The following RAPGEF6 variants were observed in gnomAD, a reference collection of about 807,000 sequenced individuals.
RAPGEF6 encodes PDZ domain containing guanine nucleotide exchange factor (GEF) 2.
A neutral mutation model predicts 171.4 loss-of-function variants in RAPGEF6; 56 were observed. The ratio of observed to expected loss-of-function variants is 0.33; its 90% CI spans 0.26 to 0.41. RAPGEF6 has a LOEUF of 0.41. Ranked by LOEUF, RAPGEF6 falls within the 10% of genes least tolerant of loss-of-function variation. RAPGEF6 has a pLI of 1.00. For synonymous variants in RAPGEF6, 692 were observed against 650.1 expected, an observed-to-expected ratio of 1.06 and a Z score of -0.98; for missense variants, 1,674 against 1,921.4, an observed-to-expected ratio of 0.87 and a Z score of 2.41.
At chr5:131,613,282 C>T (rs187560382) in intron 1 of RAPGEF6, among the ~76,000 whole-genome samples, 4 of 152,178 alleles carry the variant, frequency 2.6e-5, no homozygotes, top group Non-Finnish European at 5.9e-5. Context: ...TGGTGGCGGG[C>T]GCCTACAGTC....
intron 1 of RAPGEF6, among the ~76,000 whole-genome samples, chr5:131,629,991 T>C (rs1766198087): frequency 6.6e-6 from 1 of 152,186 alleles, no homozygotes; most frequent in South Asian, 2.1e-4. Context: ...GCTTAGTTGA[T>C]AAAGCAGCAG....
At chr5:131,553,498 A>T (rs1561557450) in intron 5 of RAPGEF6, among the ~76,000 whole-genome samples, 1 of 152,264 alleles carries the variant, frequency 6.6e-6, no homozygotes. Context: ...AGATGCTGGA[A>T]CTACCAGAGA....
At chr5:131,614,281 CAAAAAAAAA>C (rs386404987) in intron 1 of RAPGEF6, among the ~76,000 whole-genome samples, 14 of 81,414 alleles carry the variant, frequency 1.7e-4, no homozygotes, top group South Asian at 5.9e-4. Context: ...GACTCTGTCT[CAAAAAAAAA>C]AAAAAAAAAA....
At chr5:131,619,569 G>A (rs985619045) in intron 1 of RAPGEF6, among the ~76,000 whole-genome samples, 8 of 152,136 alleles carry the variant, frequency 5.3e-5, no homozygotes, top group African/African-American at 1.4e-4. Flanking sequence ...AAATTACAAC[G>A]TATCAAAAGA....
intron 1 of RAPGEF6, among the ~76,000 whole-genome samples, chr5:131,632,043 T>A (rs933177135): frequency 1.6e-5 from 2 of 128,316 alleles, no homozygotes; most frequent in African/African-American, 6.3e-5. Flanking sequence ...ACCACTGCAC[T>A]CCAGCCTGGG....
intron 25 of RAPGEF6, among the ~76,000 whole-genome samples, chr5:131,432,806 G>A (rs534567268): frequency 6.6e-6 from 1 of 152,264 alleles, no homozygotes; most frequent in South Asian, 2.1e-4. Context: ...GACCTCTGGT[G>A]TAGAGATCCT....
rs1757312224 is a variant in RAPGEF6, at chr5:131,505,443, C to T, written c.1022G>A (p.Gly341Glu). 7 of 1,613,508 alleles carry T rather than the reference C, an allele frequency of 4.3e-6. No homozygotes were observed. Among genetic ancestry groups the T allele is most frequent in the Non-Finnish European group, 5.1e-6 (6 of 1,179,652 alleles). ...AGTGGGAGTAATTCCAAAACTATTT[C>T]CCATAAACAAATTTTCAACTTTTCC... ...PDGKVENLFM[G>E]NSFGITPTLD... Residue 341 changes from glycine (G) to glutamate (E), a missense_variant, in exon 10 of 28, where the codon GGA becomes GAA. Gly to Glu is a moderately conservative substitution (Grantham distance 98). Transcript: ENST00000509018.
chr5:131,616,306 G>A (rs1765261304), intron 1 of RAPGEF6, among the ~76,000 whole-genome samples: 1 of 152,174 alleles, frequency 6.6e-6, no homozygotes, highest in Non-Finnish European at 1.5e-5. Flanking sequence ...GGTATATTCT[G>A]TGGATTTTCA....
intron 6 of RAPGEF6, among the ~76,000 whole-genome samples, chr5:131,541,831 C>T (rs2149940122): frequency 6.6e-6 from 1 of 152,240 alleles, no homozygotes. Flanking sequence ...ATTTTCTTCC[C>T]ATGTCCTGGA....
chr5:131,464,544 TA>T (rs1754192724), intron 17 of RAPGEF6, among the ~76,000 whole-genome samples: 1 of 152,140 alleles, frequency 6.6e-6, no homozygotes, highest in Admixed American at 6.5e-5. Flanking sequence ...TTTTTTCATT[TA>T]ATATCTTATA....
intron 21 of RAPGEF6, 94 bp downstream of exon 21, chr5:131,452,960 G>T: frequency 1.4e-6 from 2 of 1,451,244 alleles, no homozygotes; most frequent in Non-Finnish European, 9.2e-7. Flanking sequence ...CAGCACACAT[G>T]GTAGAATAAA....
chr5:131,555,209 T>C (rs1045782417), intron 5 of RAPGEF6, among the ~76,000 whole-genome samples: 7 of 152,212 alleles, frequency 4.6e-5, no homozygotes, highest in African/African-American at 1.7e-4. Flanking sequence ...GGTATCCACA[T>C]CTGCTATAAA....
At chr5:131,586,708 AG>A (rs2149997708) in intron 4 of RAPGEF6, among the ~76,000 whole-genome samples, 1 of 152,386 alleles carries the variant, frequency 6.6e-6, no homozygotes, top group South Asian at 2.1e-4. Flanking sequence ...AAAATTGAAA[AG>A]AATGACTGAA....
At chr5:131,445,139 A>T (rs1382052701) in intron 22 of RAPGEF6, among the ~76,000 whole-genome samples, 1 of 152,208 alleles carries the variant, frequency 6.6e-6, no homozygotes, top group Non-Finnish European at 1.5e-5. Context: ...AAATGTAATA[A>T]ATGAAACTCA....
rs115290793 is a variant in RAPGEF6, at chr5:131,548,468, T to C, written c.352-278A>G. Among the ~76,000 whole-genome samples the C allele has an allele frequency of 7.3e-3, 1,117 of 152,336 alleles. 8 individuals carry two copies. The highest frequency in any genetic ancestry group is 0.025 in the African/African-American group (1,034 of 41,580). On this transcript the variant is annotated intron_variant, in intron 5 of 27. Coordinates refer to ENST00000509018, the MANE Select transcript of RAPGEF6 (RefSeq NM_016340.6). ...AGTCACTTACCAGAAATGAAGGCTG[T>C]TAACTACACCTACACATTCAATAAT...
chr5:131,472,987 A>G, intron 16 of RAPGEF6: 1 of 447,934 alleles, frequency 2.2e-6, no homozygotes, highest in Non-Finnish European at 4.0e-6. Flanking sequence ...TCCTAATTAA[A>G]TTGTCTTATT....
intron 11 of RAPGEF6, among the ~76,000 whole-genome samples, chr5:131,498,880 G>C (rs1248137297): frequency 1.3e-5 from 2 of 152,176 alleles, no homozygotes; most frequent in African/African-American, 2.4e-5. Flanking sequence ...CATCATAGCA[G>C]GACCTTTGAA....
At chr5:131,624,559 T>C (rs537140476) in intron 1 of RAPGEF6, among the ~76,000 whole-genome samples, 21 of 152,146 alleles carry the variant, frequency 1.4e-4, no homozygotes, top group East Asian at 1.9e-4. Context: ...CTTGGGAAAA[T>C]TGCTTGAGCC....
intron 6 of RAPGEF6, among the ~76,000 whole-genome samples, chr5:131,527,887 T>TA (rs1214858209): frequency 1.3e-5 from 2 of 150,664 alleles, no homozygotes; most frequent in African/African-American, 4.9e-5. Flanking sequence ...TGGTGGCGGG[T>TA]GCCTGTAGTC....
Sources: gnomAD v4.1 joint callset for allele counts (sites outside exome capture counted in the v4.1 genomes callset) on GRCh38, gnomAD v4.1.1 for gene constraint, MANE v1.5 for transcripts, NCBI Gene and HGNC (gene_info 2026-07-23, HGNC 2026-07-21) for gene names.